The following EPB41L5 variants were observed in gnomAD, a reference collection of about 807,000 sequenced individuals.
The protein encoded by EPB41L5 is erythrocyte membrane protein band 4.1 like 5.
A neutral mutation model predicts 106.6 loss-of-function variants in EPB41L5; 55 were observed. The observed-to-expected ratio is 0.52, with a 90% confidence interval of 0.42 to 0.65. The LOEUF (loss-of-function observed/expected upper bound fraction) is 0.65. EPB41L5 is among the 30% of genes least tolerant of loss of function. The pLI, the probability that EPB41L5 is intolerant of heterozygous loss-of-function variation, is 0.00. For synonymous variants in EPB41L5, 297 were observed against 306.7 expected, an observed-to-expected ratio of 0.97 and a Z score of 0.33; for missense variants, 871 against 882.1, an observed-to-expected ratio of 0.99 and a Z score of 0.16.
chr2:120,174,496 A>C (rs1250678433), intron 24 of EPB41L5, among the ~76,000 whole-genome samples: 1 of 151,680 alleles, frequency 6.6e-6, no homozygotes, highest in Non-Finnish European at 1.5e-5. Flanking sequence ...GCAGCAGCAG[A>C]GAACAGCCTG....
chr2:120,120,661 A>C (rs1685176352), intron 16 of EPB41L5, among the ~76,000 whole-genome samples: 1 of 152,140 alleles, frequency 6.6e-6, no homozygotes, highest in Non-Finnish European at 1.5e-5. Flanking sequence ...CTAGGCTGTT[A>C]CACCTGGAAG....
rs1687945961 is a variant in EPB41L5 at position 120,177,081 on chromosome 2, G to A, written c.*2174G>A. 6.6e-6 allele frequency: 1 copy of A among 152,198 alleles called. No individual in the cohort carries two copies. The highest frequency in any genetic ancestry group is 2.4e-5 in the African/African-American group (1 of 41,434). 9.4% of individuals were successfully genotyped at this position (152,198 alleles called of 1,614,324 possible). A position where few individuals can be genotyped will look rare whatever the true frequency, so the allele number is the denominator to read the frequency against. On this transcript the variant is annotated 3_prime_UTR_variant, in exon 25 of 25. Transcript: ENST00000263713. ...CCCCGACAGATTAAATGCGTGTTGGGGATTGGTTTCCTGTCATAGCTGCTG... is the reference window on the plus strand; with the variant it reads ...CCCCGACAGATTAAATGCGTGTTGGAGATTGGTTTCCTGTCATAGCTGCTG...
intron 2 of EPB41L5, among the ~76,000 whole-genome samples, chr2:120,021,138 C>T (rs1389812737): frequency 4.0e-5 from 6 of 151,566 alleles, no homozygotes; most frequent in Admixed American, 2.6e-4. Context: ...GCCAGGAGTT[C>T]GAGACCAGCC....
chr2:120,083,592 G>A lies in EPB41L5; in HGVS notation c.804-3579G>A, dbSNP rs188978342. 4.3e-4 allele frequency among the ~76,000 whole-genome samples: 65 copies of A among 152,292 alleles called. 1 individual carries two copies. In the East Asian group the frequency reaches 0.012, roughly 28 times the overall value. ...AATGTATATTCTGCTGATTTGGGGT[G>A]GAGAGTTCTGTAGATGTCTTATTAG... On this transcript the variant is annotated intron_variant, in intron 10 of 24. Coordinates refer to ENST00000263713, the MANE Select transcript of EPB41L5 (RefSeq NM_020909.4).
chr2:120,021,944 G>A (rs1677960120), intron 2 of EPB41L5, among the ~76,000 whole-genome samples: 1 of 152,114 alleles, frequency 6.6e-6, no homozygotes, highest in Non-Finnish European at 1.5e-5. Context: ...GGTCACTAGT[G>A]ATTATAGTTA....
chr2:120,054,933 C>T (rs1264691781), intron 3 of EPB41L5, among the ~76,000 whole-genome samples: 1 of 145,212 alleles, frequency 6.9e-6, no homozygotes, highest in East Asian at 2.0e-4. Flanking sequence ...ATCATGCGAA[C>T]TTGGCCCACC....
At chr2:120,104,076 G>A (rs1282749289) in intron 16 of EPB41L5, 19 of 1,533,644 alleles carry the variant, frequency 1.2e-5, no homozygotes, top group South Asian at 9.6e-5. Flanking sequence ...TGCTGCCAGC[G>A]ACTGCTGTCA....
chr2:120,143,156 C>G, intron 19 of EPB41L5, 25 bp downstream of exon 19: 2 of 1,544,772 alleles, frequency 1.3e-6, no homozygotes, highest in Non-Finnish European at 1.7e-6. Flanking sequence ...ATAGATAGCC[C>G]TGGTGAAGTG....
intron 3 of EPB41L5, among the ~76,000 whole-genome samples, chr2:120,050,754 C>T (rs1335572193): frequency 2.0e-5 from 3 of 152,158 alleles, no homozygotes; most frequent in Non-Finnish European, 4.4e-5. Context: ...GAATTTTTGG[C>T]TTTTCTGCTC....
At chr2:120,046,675 T>A (rs1332086164) in intron 3 of EPB41L5, among the ~76,000 whole-genome samples, 2 of 152,178 alleles carry the variant, frequency 1.3e-5, no homozygotes, top group African/African-American at 4.8e-5. Flanking sequence ...TAGATCTCAT[T>A]TGCCAATTTT....
At chr2:120,080,108 C>CT (rs777004950) in intron 10 of EPB41L5, among the ~76,000 whole-genome samples, 9,229 of 142,998 alleles carry the variant, frequency 0.065, 303 homozygotes, top group Non-Finnish European at 0.076. Context: ...AGTAGTATTT[C>CT]TTTTTTTTTT....
chr2:120,034,026 G>A (rs1009178589), intron 2 of EPB41L5, among the ~76,000 whole-genome samples: 1 of 152,114 alleles, frequency 6.6e-6, no homozygotes. Flanking sequence ...AGCCCAGGAG[G>A]TTGAGGCTGC....
intron 10 of EPB41L5, among the ~76,000 whole-genome samples, chr2:120,086,807 A>C (rs551158072): frequency 4.5e-4 from 69 of 152,248 alleles, no homozygotes; most frequent in African/African-American, 1.5e-3. Context: ...TTTAAGCTTT[A>C]TGGTCGTTCC....
At chr2:120,113,003 A>G (rs1362987314) in intron 16 of EPB41L5, among the ~76,000 whole-genome samples, 2 of 152,166 alleles carry the variant, frequency 1.3e-5, no homozygotes, top group Non-Finnish European at 2.9e-5. Context: ...GATTGTAGAG[A>G]GTAAAAAGGA....
chr2:120,063,369 A>G (rs1309569356), intron 3 of EPB41L5, among the ~76,000 whole-genome samples: 1 of 151,530 alleles, frequency 6.6e-6, no homozygotes, highest in East Asian at 1.9e-4. Context: ...AAGTGAATTA[A>G]GTGTAAAAAT....
At position 120,111,698 on chromosome 2, in the gene EPB41L5, T is replaced by C. The variant is rs562162822; in HGVS notation, c.1337+10884T>C. ...TTGTTGTCAGCCCTGCCCTCTTACC[T>C]GGCCTCCTTGCCATTGCCCTTGCTC... On this transcript the variant is annotated intron_variant, in intron 16 of 24. Transcript: ENST00000263713. Among the ~76,000 whole-genome samples, 6 of 152,268 alleles carry C rather than the reference T, an allele frequency of 3.9e-5. 1 individual carries two copies. In the South Asian group the frequency reaches 1.2e-3, roughly 32 times the overall value.
chr2:120,021,402 T>C (rs1677918522), intron 2 of EPB41L5, among the ~76,000 whole-genome samples: 1 of 151,990 alleles, frequency 6.6e-6, no homozygotes, highest in Non-Finnish European at 1.5e-5. Flanking sequence ...CGCAGCACTT[T>C]GGGAGGCCGA....
chr2:120,073,967 A>G (rs1399880916), intron 4 of EPB41L5, 133 bp from the exon 5 acceptor site: 4 of 643,532 alleles, frequency 6.2e-6, no homozygotes, highest in Admixed American at 3.0e-5. Context: ...GAAGCCTATG[A>G]TCTAACCTGC....
At position 120,019,119 on chromosome 2, in the gene EPB41L5, G is replaced by A. The variant is rs769293267; in HGVS notation, c.35G>A (p.Arg12Gln). ...TTCTTCCGTAGAACACTAGGGCGTC[G>A]GTCTATGCGTAAACATGCAGAGAAG... Reference protein sequence around the residue: ...LSFFRRTLGRRSMRKHAEKER... With the variant: ...LSFFRRTLGRQSMRKHAEKER... The change falls in exon 2 of 25, where the codon CGG (arginine) becomes CAG (glutamine). Residue 12 changes from arginine (R) to glutamine (Q), a missense_variant. Coordinates refer to ENST00000263713, the MANE Select transcript of EPB41L5 (RefSeq NM_020909.4). 1.6e-5 allele frequency: 25 copies of A among 1,612,116 alleles called. No homozygotes were observed. Among genetic ancestry groups the A allele is most frequent in the African/African-American group, 1.5e-4 (11 of 74,652 alleles).
Sources: allele counts gnomAD v4.1 joint callset (sites outside exome capture counted in the v4.1 genomes callset), GRCh38; gene constraint gnomAD v4.1.1; transcripts MANE v1.5; gene names NCBI Gene and HGNC (gene_info 2026-07-23, HGNC 2026-07-21).